Variants in AFAP1L2 observed in about 807,000 individuals in gnomAD.
AFAP1L2 encodes actin filament associated protein 1 like 2.
AFAP1L2 carries 46 observed loss-of-function variants against 99.3 expected under a neutral mutation model. The observed-to-expected ratio is 0.46, with a 90% confidence interval of 0.37 to 0.59. The LOEUF is 0.59. Among genes scored for constraint, AFAP1L2 ranks in the 20% least tolerant of loss-of-function variants. The probability of loss-of-function intolerance (pLI) is 0.00; values close to 1 mark genes in which losing one functional copy is unlikely to be tolerated. For missense variants in AFAP1L2, 959 were observed against 1,034.9 expected (o/e 0.93, Z 1.01); for synonymous variants, 397 against 419.1 (o/e 0.95, Z 0.64).
At position 114,315,532 on chromosome 10, in the gene AFAP1L2, G is replaced by A. The variant is rs377080445; in HGVS notation, c.612+28C>T. On this transcript the variant is annotated intron_variant, in intron 6 of 18. Transcript: ENST00000304129. Reference sequence around the variant, plus strand: ...CCCCTTCCCCAAGGAGAGGAGTCGGGGGACAAGACGACGTAAGGCAGACTG... The same window carrying A: ...CCCCTTCCCCAAGGAGAGGAGTCGGAGGACAAGACGACGTAAGGCAGACTG... 45 of 1,610,920 alleles carry A rather than the reference G, an allele frequency of 2.8e-5. No individual in the cohort carries two copies. In the Middle Eastern group the frequency reaches 6.9e-4, roughly 25 times the overall value.
chr10:114,395,431 C>T (rs1180568696), intron 1 of AFAP1L2, among the ~76,000 whole-genome samples: 1 of 152,154 alleles, frequency 6.6e-6, no homozygotes, highest in Non-Finnish European at 1.5e-5. Context: ...AGAGTTCCTT[C>T]CAAAAGGACC....
At chr10:114,287,139 C>T in the AFAP1L2 span, among the ~76,000 whole-genome samples, 7 of 152,208 alleles carry the variant, frequency 4.6e-5, no homozygotes, top group Admixed American at 6.5e-5. Flanking sequence ...ACTGTCCCCA[C>T]GCAGAGGCCT....
intron 7 of AFAP1L2, among the ~76,000 whole-genome samples, chr10:114,311,702 CAGG>C (rs1193729826): frequency 1.3e-5 from 2 of 152,226 alleles, no homozygotes; most frequent in African/African-American, 4.8e-5. Flanking sequence ...GCCACTAAGC[CAGG>C]AGTTCAGGAG....
chr10:114,332,478 C>G (rs776122415), intron 3 of AFAP1L2, among the ~76,000 whole-genome samples: 3 of 152,234 alleles, frequency 2.0e-5, no homozygotes, highest in African/African-American at 7.2e-5. Context: ...GGCCCGATAT[C>G]GGGGATTTGG....
intron 1 of AFAP1L2, among the ~76,000 whole-genome samples, chr10:114,367,766 C>T (rs2053502837): frequency 6.6e-6 from 1 of 152,166 alleles, no homozygotes; most frequent in Admixed American, 6.5e-5. Flanking sequence ...GCTCCCCACC[C>T]TTTTCTAACT....
chr10:114,324,668 C>G (rs904907781), intron 4 of AFAP1L2, among the ~76,000 whole-genome samples: 2 of 152,212 alleles, frequency 1.3e-5, no homozygotes, highest in Non-Finnish European at 2.9e-5. Flanking sequence ...TGTGCTGCGC[C>G]CTCCGCGTGA....
At chr10:114,360,493 ATAGATAGATAGATAGT>A (rs879944599) in intron 1 of AFAP1L2, among the ~76,000 whole-genome samples, 183 of 113,898 alleles carry the variant, frequency 1.6e-3, no homozygotes, top group African/African-American at 3.6e-3. Context: ...ATCTAGATAG[ATAGATAGATAGATAGT>A]TAGATAGATA....
the AFAP1L2 span, chr10:114,286,585 C>T: frequency 6.8e-6 from 9 of 1,326,180 alleles, 1 homozygote; most frequent in South Asian, 1.3e-4. Flanking sequence ...ACCACCTAAC[C>T]ATCATTTTCT....
Position 114,295,832 on chromosome 10 carries a change from T to G in AFAP1L2, c.*210A>C. On this transcript the variant is annotated 3_prime_UTR_variant, in exon 19 of 19. Coordinates refer to ENST00000304129, the MANE Select transcript of AFAP1L2 (RefSeq NM_001001936.3). ...TGTTTACATCCAATAGACTTAGGTC[T>G]CCAAAGAAGCCTCCTTTTTGTTGTA... 1 of 1,392,506 alleles carries G rather than the reference T, an allele frequency of 7.2e-7. No homozygotes were observed. The highest frequency in any genetic ancestry group is 2.6e-5 in the East Asian group (1 of 39,092). 86.3% of individuals were successfully genotyped at this position (1,392,506 alleles called of 1,614,324 possible).
the AFAP1L2 span, chr10:114,284,992 A>G: frequency 6.5e-7 from 1 of 1,543,802 alleles, no homozygotes; most frequent in South Asian, 1.2e-5. Context: ...CCGGCCCTGC[A>G]AGACTGACCA....
chr10:114,305,103 A>T, intron 10 of AFAP1L2, 173 bp from the exon 11 acceptor site: 1 of 535,978 alleles, frequency 1.9e-6, no homozygotes, highest in Non-Finnish European at 3.3e-6. Context: ...ACGCAGATGC[A>T]GGAGGGGACC....
intron 1 of AFAP1L2, among the ~76,000 whole-genome samples, chr10:114,386,984 C>T (rs2056581705): frequency 6.6e-6 from 1 of 152,244 alleles, no homozygotes; most frequent in Non-Finnish European, 1.5e-5. Flanking sequence ...CTTCACTTCC[C>T]TGTCCAAGTG....
At chr10:114,283,794 G>C in the AFAP1L2 span, among the ~76,000 whole-genome samples, 1 of 152,248 alleles carries the variant, frequency 6.6e-6, no homozygotes, top group African/African-American at 2.4e-5. Flanking sequence ...TGAGCCCCCA[G>C]CTATTTCCAC....
rs2039983412 is a variant in AFAP1L2 at position 114,295,037 on chromosome 10, G to GAAAAAA, written c.*1004_*1005insTTTTTT. 1.4e-6 allele frequency: 1 copy of GAAAAAA among 707,216 alleles called. No individual in the cohort carries two copies. Among genetic ancestry groups the GAAAAAA allele is most frequent in the African/African-American group, 2.4e-5 (1 of 41,970 alleles). The allele number at this position is 707,216 out of a possible 1,614,324, so 43.8% of individuals were successfully genotyped here. The stretch of plus-strand genomic sequence containing the variant: ...GTGTTAAAAAAAAAAAAAAAAAAAT[G>GAAAAAA]CCATCAGAGGAAAAGACAGGGGCAG... On this transcript the variant is annotated 3_prime_UTR_variant, in exon 19 of 19. Coordinates refer to ENST00000304129, the MANE Select transcript of AFAP1L2 (RefSeq NM_001001936.3).
the AFAP1L2 span, among the ~76,000 whole-genome samples, chr10:114,283,355 G>A: frequency 4.0e-5 from 6 of 151,546 alleles, no homozygotes; most frequent in Non-Finnish European, 5.9e-5. Context: ...GCAGGGTAGC[G>A]AGCAGTTAGA....
At chr10:114,395,416 C>G (rs983777734) in intron 1 of AFAP1L2, among the ~76,000 whole-genome samples, 1 of 152,138 alleles carries the variant, frequency 6.6e-6, no homozygotes, top group Non-Finnish European at 1.5e-5. Flanking sequence ...ACGAAGCACC[C>G]TAGAAGAGTT....
At chr10:114,346,366 G>A (rs776194521) in intron 1 of AFAP1L2, among the ~76,000 whole-genome samples, 35 of 152,252 alleles carry the variant, frequency 2.3e-4, no homozygotes, top group African/African-American at 5.8e-4. Context: ...AGCTCTTTCC[G>A]GTCAAGGGTC....
the AFAP1L2 span, among the ~76,000 whole-genome samples, chr10:114,283,132 G>T: frequency 6.6e-6 from 1 of 152,206 alleles, no homozygotes; most frequent in South Asian, 2.1e-4. Context: ...TGGGGTGCTA[G>T]TGACCCCACT....
intron 1 of AFAP1L2, among the ~76,000 whole-genome samples, chr10:114,361,641 C>T (rs569601479): frequency 1.2e-4 from 19 of 152,178 alleles, no homozygotes; most frequent in South Asian, 6.2e-4. Context: ...TTGGCAGCTA[C>T]GAGGTCACAT....
Sources: allele counts gnomAD v4.1 joint callset (sites outside exome capture counted in the v4.1 genomes callset), GRCh38; gene constraint gnomAD v4.1.1; transcripts MANE v1.5; gene names NCBI Gene and HGNC (gene_info 2026-07-23, HGNC 2026-07-21).